Variants in PACRG observed in about 807,000 individuals in gnomAD.
The protein encoded by PACRG is parkin coregulated gene protein.
PACRG carries 29 observed loss-of-function variants against 29.7 expected under a neutral mutation model. The ratio of observed to expected loss-of-function variants is 0.98; its 90% confidence interval spans 0.73 to 1.33. The LOEUF (loss-of-function observed/expected upper bound fraction) is 1.33. PACRG is among the 40% of genes most tolerant of loss of function. The pLI is 0.00. For synonymous variants in PACRG, 116 were observed against 118.7 expected, an observed-to-expected ratio of 0.98 and a Z score of 0.15; for missense variants, 279 against 316.2, an observed-to-expected ratio of 0.88 and a Z score of 0.89.
At chr6:162,957,443 C>T in intron 2 of PACRG, 1 of 515,754 alleles carries the variant, frequency 1.9e-6, no homozygotes, top group Non-Finnish European at 3.7e-6. Flanking sequence ...GGGCACACAC[C>T]ACATGCAGAG....
intron 2 of PACRG, among the ~76,000 whole-genome samples, chr6:163,035,826 A>AC (rs1808130846): frequency 6.6e-6 from 1 of 150,786 alleles, no homozygotes; most frequent in African/African-American, 2.4e-5. Flanking sequence ...AAAAAAAAAA[A>AC]AAAAAAAACA....
intron 2 of PACRG, among the ~76,000 whole-genome samples, chr6:162,814,800 G>A (rs532350401): frequency 6.6e-6 from 1 of 152,222 alleles, no homozygotes; most frequent in South Asian, 2.1e-4. Flanking sequence ...CGCGATGGCT[G>A]TCACACGTGC....
At chr6:163,105,011 T>C (rs182554218) in intron 4 of PACRG, among the ~76,000 whole-genome samples, 3 of 152,290 alleles carry the variant, frequency 2.0e-5, no homozygotes, top group East Asian at 3.9e-4. Context: ...TAGTACATTA[T>C]GGAGAAGTAC....
intron 2 of PACRG, among the ~76,000 whole-genome samples, chr6:163,008,179 T>A (rs1470817298): frequency 6.6e-6 from 1 of 152,098 alleles, no homozygotes; most frequent in Non-Finnish European, 1.5e-5. Context: ...CTAACGCAAA[T>A]GCACACTCAT....
chr6:163,150,590 C>T (rs554411671), intron 4 of PACRG, among the ~76,000 whole-genome samples: 1 of 79,004 alleles, frequency 1.3e-5, no homozygotes, highest in South Asian at 3.9e-4. Flanking sequence ...AGAAATCCTT[C>T]CAGGCTCAAG....
intron 2 of PACRG, among the ~76,000 whole-genome samples, chr6:162,912,137 A>G (rs528608710): frequency 6.6e-6 from 1 of 152,320 alleles, no homozygotes; most frequent in African/African-American, 2.4e-5. Context: ...AGGTCAATCC[A>G]AGTTGTTAGA....
At chr6:162,940,977 CTG>C (rs1198638449) in intron 2 of PACRG, among the ~76,000 whole-genome samples, 1 of 151,908 alleles carries the variant, frequency 6.6e-6, no homozygotes, top group Non-Finnish European at 1.5e-5. Context: ...AATGTAATCA[CTG>C]TGTTTTTCTT....
chr6:163,124,600 G>T (rs928787211), intron 4 of PACRG, among the ~76,000 whole-genome samples: 2 of 152,156 alleles, frequency 1.3e-5, no homozygotes, highest in Non-Finnish European at 2.9e-5. Context: ...TTAGGAAAGA[G>T]CCTCTGATTT....
intron 2 of PACRG, among the ~76,000 whole-genome samples, chr6:162,948,166 A>G (rs958552061): frequency 1.3e-5 from 2 of 152,190 alleles, no homozygotes. Context: ...TTTAGTAACC[A>G]GAACAGGATG....
chr6:163,076,635 T>C (rs983779896), intron 3 of PACRG, among the ~76,000 whole-genome samples: 1 of 152,226 alleles, frequency 6.6e-6, no homozygotes, highest in Admixed American at 6.5e-5. Context: ...CTATTTCCCT[T>C]CATTCACCCT....
chr6:163,187,243 C>T (rs1182736053), intron 4 of PACRG, among the ~76,000 whole-genome samples: 1 of 152,172 alleles, frequency 6.6e-6, no homozygotes, highest in Non-Finnish European at 1.5e-5. Flanking sequence ...GTATGCCCAA[C>T]ATCCCTCCAT....
intron 3 of PACRG, among the ~76,000 whole-genome samples, chr6:163,088,496 C>T (rs1386149762): frequency 2.6e-5 from 4 of 152,162 alleles, no homozygotes; most frequent in African/African-American, 9.7e-5. Flanking sequence ...CCTCGCACAG[C>T]CAGTTATCAG....
intron 1 of PACRG, among the ~76,000 whole-genome samples, chr6:162,778,455 C>T (rs1783825390): frequency 6.6e-6 from 1 of 152,106 alleles, no homozygotes; most frequent in African/African-American, 2.4e-5. Flanking sequence ...AGGGGCTATA[C>T]TAGGTGTTTT....
intron 4 of PACRG, among the ~76,000 whole-genome samples, chr6:163,279,313 T>C (rs1246111551): frequency 6.6e-6 from 1 of 152,238 alleles, no homozygotes; most frequent in Non-Finnish European, 1.5e-5. Flanking sequence ...TTCACCAATT[T>C]GGATGCCCTT....
chr6:163,080,364 C>T (rs1477753008), intron 3 of PACRG, among the ~76,000 whole-genome samples: 6 of 152,118 alleles, frequency 3.9e-5, no homozygotes, highest in African/African-American at 1.2e-4. Context: ...TCCAAAGACA[C>T]GAACCTGCCC....
chr6:163,108,244 C>T (rs961206640), intron 4 of PACRG, among the ~76,000 whole-genome samples: 19 of 152,112 alleles, frequency 1.2e-4, no homozygotes, highest in African/African-American at 4.1e-4. Context: ...TAGAACCACC[C>T]ACTTTGCTCT....
chr6:163,221,505 G>T lies in PACRG; in HGVS notation c.614-93322G>T, dbSNP rs151052261. 4.6e-5 allele frequency among the ~76,000 whole-genome samples: 7 copies of T among 152,346 alleles called. No individual in the cohort carries two copies. The East Asian group carries it at 1.3e-3, about 29-fold the overall frequency. ...TGCAGCTGAACCAGTGACTCTCAGG[G>T]AGGTACTTTCATGGTTGCAAAGCAC... On this transcript the variant is annotated intron_variant, in intron 4 of 4. Coordinates refer to ENST00000366888, the MANE Select transcript of PACRG (RefSeq NM_001080379.2).
intron 4 of PACRG, among the ~76,000 whole-genome samples, chr6:163,217,705 G>A (rs1435276319): frequency 1.3e-5 from 2 of 152,098 alleles, no homozygotes; most frequent in Non-Finnish European, 2.9e-5. Context: ...CAGATCAGCA[G>A]CAGCATTGGA....
chr6:163,209,578 A>T (rs945883408), intron 4 of PACRG, among the ~76,000 whole-genome samples: 3 of 152,226 alleles, frequency 2.0e-5, no homozygotes, highest in African/African-American at 7.2e-5. Context: ...AAATGAGACA[A>T]CTGCTACATA....
Sources: gnomAD v4.1 joint callset for allele counts (sites outside exome capture counted in the v4.1 genomes callset) on GRCh38, gnomAD v4.1.1 for gene constraint, MANE v1.5 for transcripts, NCBI Gene and HGNC (gene_info 2026-07-23, HGNC 2026-07-21) for gene names.